The following FBXL2 variants were observed in gnomAD, a reference collection of about 807,000 sequenced individuals.
FBXL2 encodes the protein F-box/LRR-repeat protein 2.
FBXL2 carries 38 observed loss-of-function variants against 69.2 expected under a neutral mutation model. The observed-to-expected ratio is 0.55, with a 90% CI of 0.42 to 0.72. The LOEUF (loss-of-function observed/expected upper bound fraction) is 0.72, where lower values mean the gene tolerates loss of function less well. Ranked by LOEUF, FBXL2 falls within the 30% of genes least tolerant of loss-of-function variation. FBXL2 has a pLI of 0.00. For missense variants in FBXL2, 354 were observed against 520.3 expected (o/e 0.68, Z 3.11); for synonymous variants, 192 against 201.3 (o/e 0.95, Z 0.39).
intron 9 of FBXL2, 86 bp downstream of exon 9, chr3:33,374,007 G>A: frequency 7.8e-7 from 1 of 1,282,748 alleles, no homozygotes; most frequent in Non-Finnish European, 1.1e-6. Context: ...AGCCCCCTAG[G>A]CACCTGAGAT....
At position 33,363,211 on chromosome 3, in the gene FBXL2, T is replaced by C. The variant is rs945964555; in HGVS notation, c.196-1414T>C. Among the ~76,000 whole-genome samples the C allele has an allele frequency of 3.9e-4, 59 of 152,292 alleles. 1 individual carries two copies. Among genetic ancestry groups the C allele is most frequent in the African/African-American group, 1.4e-3 (58 of 41,560 alleles). On this transcript the variant is annotated intron_variant, in intron 4 of 14. Transcript: ENST00000484457. ...ATGCCCCACCATGCTCTGCTGATTT[T>C]TGTATCTTTAGTACAGAAAGGGTTT... is the stretch of plus-strand genomic sequence containing the variant.
chr3:33,390,665 C>CT, downstream of FBXL2: 2 of 435,582 alleles, frequency 4.6e-6, no homozygotes, highest in Non-Finnish European at 8.4e-6. Context: ...AATAATAGTG[C>CT]TGTCCATAAG....
chr3:33,364,098 A>G (rs1287163558), intron 4 of FBXL2, among the ~76,000 whole-genome samples: 1 of 152,216 alleles, frequency 6.6e-6, no homozygotes, highest in African/African-American at 2.4e-5. Context: ...GTACTCAACA[A>G]AAGTTCCTTT....
chr3:33,402,706 A>G, intron 12 of FBXL2: 1 of 906,348 alleles, frequency 1.1e-6, no homozygotes, highest in Admixed American at 3.6e-5. Context: ...TTTAGGTACA[A>G]TACAAACAAA....
chr3:33,378,801 C>G (rs748164224), intron 13 of FBXL2, 60 bp downstream of exon 13: 15 of 1,613,276 alleles, frequency 9.3e-6, no homozygotes, highest in African/African-American at 2.7e-5. Context: ...CCTCCCACCA[C>G]AACAAGAAGC....
intron 2 of FBXL2, among the ~76,000 whole-genome samples, chr3:33,356,348 G>T (rs1961175): frequency 0.4 from 61,214 of 151,610 alleles, 13,826 homozygotes; most frequent in East Asian, 0.59. Flanking sequence ...GCTCGAGTTG[G>T]TTTGTTTTGT....
In FBXL2 at chr3:33,343,048, T is replaced by G. The variant is rs375477456; in HGVS notation, c.66-15919T>G. Reference sequence around the variant, plus strand: ...AGCCACCGTGCCCGGCCAACAAATATAACTTCTTAATATTTTCAGCCATCT... The same window carrying G: ...AGCCACCGTGCCCGGCCAACAAATAGAACTTCTTAATATTTTCAGCCATCT... On this transcript the variant is annotated intron_variant, in intron 2 of 14. Coordinates refer to ENST00000484457, the MANE Select transcript of FBXL2 (RefSeq NM_012157.5). 1.3e-4 allele frequency among the ~76,000 whole-genome samples: 19 copies of G among 151,898 alleles called. No homozygotes were observed. In the East Asian group the frequency reaches 2.5e-3, roughly 20 times the overall value.
chr3:33,284,618 A>G (rs908296275), intron 1 of FBXL2, among the ~76,000 whole-genome samples: 1 of 152,082 alleles, frequency 6.6e-6, no homozygotes, highest in Non-Finnish European at 1.5e-5. Flanking sequence ...TTTCTGTCTC[A>G]TTGATCTGTC....
chr3:33,421,063 C>T, the FBXL2 span, among the ~76,000 whole-genome samples: 2 of 152,294 alleles, frequency 1.3e-5, no homozygotes, highest in African/African-American at 4.8e-5. Context: ...AGAAGTCTCA[C>T]TCATATTTAT....
intron 1 of FBXL2, among the ~76,000 whole-genome samples, chr3:33,292,978 A>G (rs1348843811): frequency 6.6e-6 from 1 of 152,234 alleles, no homozygotes; most frequent in Non-Finnish European, 1.5e-5. Context: ...CAACAGAGCC[A>G]CAAATATATG....
At chr3:33,406,962 C>CT (rs1313082163), downstream of FBXL2, among the ~76,000 whole-genome samples, 3 of 152,220 alleles carry the variant, frequency 2.0e-5, no homozygotes, top group East Asian at 1.9e-4. Flanking sequence ...CTTTTCGACT[C>CT]TAACAGTAAG....
At chr3:33,415,005 T>G in the FBXL2 span, among the ~76,000 whole-genome samples, 1 of 152,220 alleles carries the variant, frequency 6.6e-6, no homozygotes, top group African/African-American at 2.4e-5. Context: ...TTAATTTATT[T>G]GCTTGCATTA....
At chr3:33,372,614 T>C in intron 5 of FBXL2, 1 of 183,474 alleles carries the variant, frequency 5.5e-6, no homozygotes, top group Non-Finnish European at 1.2e-5. Context: ...GTCTTGATAC[T>C]GATTAACTGC....
At chr3:33,320,202 A>G (rs545327835) in intron 2 of FBXL2, among the ~76,000 whole-genome samples, 1 of 152,302 alleles carries the variant, frequency 6.6e-6, no homozygotes, top group South Asian at 2.1e-4. Context: ...AAGCCATCAT[A>G]ATTTATTATG....
At chr3:33,366,227 T>C (rs748751094) in intron 5 of FBXL2, among the ~76,000 whole-genome samples, 12 of 152,218 alleles carry the variant, frequency 7.9e-5, no homozygotes, top group Non-Finnish European at 7.3e-5. Flanking sequence ...TGGATCCTAT[T>C]TGCTACAATT....
the FBXL2 span, chr3:33,416,856 A>G: frequency 1.3e-6 from 2 of 1,586,772 alleles, no homozygotes; most frequent in Non-Finnish European, 1.7e-6. Context: ...AATTGTGTAT[A>G]AAAAACAATC....
chr3:33,367,719 G>T (rs774909586), intron 5 of FBXL2, among the ~76,000 whole-genome samples: 127 of 151,530 alleles, frequency 8.4e-4, no homozygotes, highest in Non-Finnish European at 1.5e-3. Context: ...TTTCCACTCT[G>T]ATCTTTATTA....
intron 1 of FBXL2, 105 bp from the exon 2 acceptor site, chr3:33,297,559 G>A (rs917644948): frequency 2.3e-5 from 15 of 657,482 alleles, no homozygotes; most frequent in Non-Finnish European, 2.9e-5. Flanking sequence ...CCTATTTGTA[G>A]GACAATAATT....
At chr3:33,397,363 G>A (rs565886913) in intron 12 of FBXL2, 1 of 365,430 alleles carries the variant, frequency 2.7e-6, no homozygotes, top group South Asian at 7.5e-5. Flanking sequence ...AAGTCCTGAG[G>A]CTGATGAATC....
Sources: allele counts gnomAD v4.1 joint callset (sites outside exome capture counted in the v4.1 genomes callset), GRCh38; gene constraint gnomAD v4.1.1; transcripts MANE v1.5; gene names NCBI Gene and HGNC (gene_info 2026-07-23, HGNC 2026-07-21).